The following MAP4K3 variants were observed in gnomAD, a reference collection of about 807,000 sequenced individuals.
MAP4K3 encodes the protein MAPK/ERK kinase kinase kinase 3.
A neutral mutation model predicts 143.5 loss-of-function variants in MAP4K3; 94 were observed. The observed-to-expected ratio is 0.65, with a 90% CI of 0.55 to 0.78. MAP4K3 has a LOEUF of 0.78. Ranked by LOEUF, MAP4K3 falls within the 30% of genes least tolerant of loss-of-function variation. MAP4K3 has a pLI of 0.00. For missense variants in MAP4K3, 1,077 were observed against 1,068.1 expected (o/e 1.01, Z -0.12); for synonymous variants, 416 against 347.2 (o/e 1.20, Z -2.20).
At chr2:39,427,184 G>GA (rs1665115488) in intron 1 of MAP4K3, among the ~76,000 whole-genome samples, 1 of 151,750 alleles carries the variant, frequency 6.6e-6, no homozygotes, top group African/African-American at 2.4e-5. Flanking sequence ...AAAGTGCTGA[G>GA]AAAAAAACAA....
chr2:39,405,450 A>G (rs1483126389), intron 1 of MAP4K3, among the ~76,000 whole-genome samples: 1 of 152,210 alleles, frequency 6.6e-6, no homozygotes, highest in African/African-American at 2.4e-5. Flanking sequence ...CAAGAAAGAC[A>G]AATACAAACA....
At chr2:39,344,991 T>C (rs1417648930) in intron 3 of MAP4K3, among the ~76,000 whole-genome samples, 1 of 152,144 alleles carries the variant, frequency 6.6e-6, no homozygotes, top group Non-Finnish European at 1.5e-5. Context: ...GTAGATAATC[T>C]CTAGTCAGTC....
chr2:39,340,665 C>T (rs1665112808), intron 4 of MAP4K3, among the ~76,000 whole-genome samples: 1 of 151,876 alleles, frequency 6.6e-6, no homozygotes, highest in African/African-American at 2.4e-5. Flanking sequence ...ACTAAACAAT[C>T]TGAGAATGAC....
At chr2:39,424,830 C>CAAAAAA (rs58960920) in intron 1 of MAP4K3, among the ~76,000 whole-genome samples, 25 of 68,152 alleles carry the variant, frequency 3.7e-4, no homozygotes, top group South Asian at 1.2e-3. Context: ...TAACCTGACT[C>CAAAAAA]AAAAAAAAAA....
chr2:39,320,988 A>C (rs1683282520), intron 12 of MAP4K3, among the ~76,000 whole-genome samples: 1 of 152,268 alleles, frequency 6.6e-6, no homozygotes, highest in South Asian at 2.1e-4. Flanking sequence ...ATACAAATTT[A>C]AAAGACTGAA....
chr2:39,413,847 G>A (rs1267574505), intron 1 of MAP4K3, among the ~76,000 whole-genome samples: 1 of 151,784 alleles, frequency 6.6e-6, no homozygotes, highest in Non-Finnish European at 1.5e-5. Flanking sequence ...TCACTCAAGA[G>A]GGGCTTTTAA....
chr2:39,287,111 G>A, intron 20 of MAP4K3, 147 bp from the exon 21 acceptor site: 1 of 521,892 alleles, frequency 1.9e-6, no homozygotes, highest in Non-Finnish European at 3.3e-6. Context: ...TACTATGAAA[G>A]TAAGACGTCA....
intron 1 of MAP4K3, among the ~76,000 whole-genome samples, chr2:39,422,690 TG>T (rs1667580553): frequency 6.6e-6 from 1 of 152,108 alleles, no homozygotes; most frequent in African/African-American, 2.4e-5. Context: ...CAAATAGTAC[TG>T]GAACAACTGT....
At chr2:39,259,661 A>T (rs1490190057) in intron 29 of MAP4K3, among the ~76,000 whole-genome samples, 2 of 152,214 alleles carry the variant, frequency 1.3e-5, no homozygotes, top group Non-Finnish European at 1.5e-5. Context: ...CTTAGTCAAA[A>T]CAATTTGATG....
chr2:39,418,480 C>G (rs1406048478), intron 1 of MAP4K3, among the ~76,000 whole-genome samples: 2 of 152,158 alleles, frequency 1.3e-5, no homozygotes, highest in African/African-American at 4.8e-5. Flanking sequence ...AGTTTAACTT[C>G]TTACCTCTTG....
intron 1 of MAP4K3, among the ~76,000 whole-genome samples, chr2:39,393,010 C>T (rs953062735): frequency 6.6e-6 from 1 of 152,232 alleles, no homozygotes; most frequent in African/African-American, 2.4e-5. Flanking sequence ...TTAAGAACCA[C>T]TTCTCTAAGT....
At chr2:39,302,943 C>T (rs1300786928) in intron 15 of MAP4K3, 1 of 165,592 alleles carries the variant, frequency 6.0e-6, no homozygotes, top group East Asian at 1.9e-4. Context: ...TTTCTAAGAA[C>T]ACAAAGTGTG....
chr2:39,363,539 G>A (rs1665828342), intron 2 of MAP4K3, among the ~76,000 whole-genome samples: 1 of 151,974 alleles, frequency 6.6e-6, no homozygotes, highest in Admixed American at 6.6e-5. Context: ...CATAGTGGCA[G>A]GTGTCTGTAA....
chr2:39,424,938 G>T (rs535696382), intron 1 of MAP4K3, among the ~76,000 whole-genome samples: 1 of 151,520 alleles, frequency 6.6e-6, no homozygotes, highest in South Asian at 2.1e-4. Flanking sequence ...AAATCCAAGA[G>T]TCATTGCTCT....
intron 6 of MAP4K3, among the ~76,000 whole-genome samples, chr2:39,336,366 G>A (rs1275779023): frequency 2.6e-5 from 4 of 151,202 alleles, no homozygotes; most frequent in East Asian, 1.9e-4. Flanking sequence ...CCAGCTACTC[G>A]GGAGGCTGAG....
At chr2:39,331,782 T>C in intron 8 of MAP4K3, 135 bp downstream of exon 8, 1 of 495,808 alleles carries the variant, frequency 2.0e-6, no homozygotes, top group East Asian at 2.9e-5. Context: ...TAAGTGTACA[T>C]GCCTGAATTA....
chr2:39,360,652 G>C (rs528509452), intron 2 of MAP4K3, among the ~76,000 whole-genome samples: 1 of 152,142 alleles, frequency 6.6e-6, no homozygotes. Flanking sequence ...CTCACAGTGT[G>C]GCATGGCTGG....
chr2:39,337,888 T>C (rs1482995445), intron 4 of MAP4K3, among the ~76,000 whole-genome samples: 1 of 150,380 alleles, frequency 6.6e-6, no homozygotes, highest in Non-Finnish European at 1.5e-5. Flanking sequence ...GCCTCTTGAG[T>C]GGCTGGGGGC....
At chr2:39,259,677 A>C (rs2148438814) in intron 29 of MAP4K3, among the ~76,000 whole-genome samples, 1 of 152,346 alleles carries the variant, frequency 6.6e-6, no homozygotes, top group Non-Finnish European at 1.5e-5. Flanking sequence ...TGATGCATGT[A>C]AAATTCTCCA....
Sources: gnomAD v4.1 joint callset for allele counts (sites outside exome capture counted in the v4.1 genomes callset) on GRCh38, gnomAD v4.1.1 for gene constraint, MANE v1.5 for transcripts, NCBI Gene and HGNC (gene_info 2026-07-23, HGNC 2026-07-21) for gene names.